EYS: variants seen among roughly 807,000 people sequenced by gnomAD.
EYS encodes EGF-like photoreceptor maintenance factor.
EYS carries 250 observed loss-of-function variants against 282.1 expected under a neutral mutation model. The ratio of observed to expected loss-of-function variants is 0.89; its 90% CI spans 0.80 to 0.98. The LOEUF (loss-of-function observed/expected upper bound fraction) is 0.98, where lower values mean the gene tolerates loss of function less well. Ranked by LOEUF, EYS falls within the 50% of genes least tolerant of loss-of-function variation. The probability of loss-of-function intolerance (pLI) is 0.00; values close to 1 mark genes in which losing one functional copy is unlikely to be tolerated. For missense variants in EYS, 4,016 were observed against 3,709.0 expected, an observed-to-expected ratio of 1.08 and a Z score of -2.15; for synonymous variants, 1,355 against 1,282.9, an observed-to-expected ratio of 1.06 and a Z score of -1.20.
chr6:64,261,973 C>A (rs1434456783), intron 30 of EYS, among the ~76,000 whole-genome samples: 2 of 151,902 alleles, frequency 1.3e-5, no homozygotes, highest in Non-Finnish European at 2.9e-5. Flanking sequence ...CTGGGCTTGT[C>A]TCAACCTCTG....
At chr6:64,576,596 G>A (rs1024445857) in intron 26 of EYS, among the ~76,000 whole-genome samples, 15 of 151,894 alleles carry the variant, frequency 9.9e-5, no homozygotes, top group Non-Finnish European at 1.9e-4. Context: ...CACATCTATG[G>A]TGCTATGTAT....
At chr6:64,641,209 A>C (rs1768139127) in intron 22 of EYS, among the ~76,000 whole-genome samples, 1 of 152,202 alleles carries the variant, frequency 6.6e-6, no homozygotes, top group Non-Finnish European at 1.5e-5. Context: ...AAGGAGGAGC[A>C]AGTCCCTTCT....
At chr6:65,484,649 G>C (rs1383802271) in intron 5 of EYS, among the ~76,000 whole-genome samples, 3 of 152,152 alleles carry the variant, frequency 2.0e-5, no homozygotes, top group Non-Finnish European at 2.9e-5. Context: ...ATGTTTCCAG[G>C]CTGCCAGTGA....
At chr6:64,615,685 A>G (rs1012439887) in intron 24 of EYS, among the ~76,000 whole-genome samples, 5 of 152,140 alleles carry the variant, frequency 3.3e-5, no homozygotes, top group African/African-American at 1.2e-4. Context: ...TAACTAATGC[A>G]TTAGCAAAAG....
intron 22 of EYS, among the ~76,000 whole-genome samples, chr6:64,809,756 G>A (rs2150013586): frequency 6.6e-6 from 1 of 151,832 alleles, no homozygotes; most frequent in East Asian, 1.9e-4. Context: ...CTCCATATAA[G>A]TGGGAGCTAA....
chr6:64,058,218 A>G (rs916487004), intron 33 of EYS, among the ~76,000 whole-genome samples: 6 of 151,922 alleles, frequency 3.9e-5, no homozygotes, highest in African/African-American at 1.5e-4. Context: ...AACTTCTGCC[A>G]TGATTGTGAG....
At position 64,686,857 on chromosome 6, in the gene EYS, G is replaced by GTGTA. The variant is rs1554193130; in HGVS notation, c.3444-60613_3444-60612insTACA. On this transcript the variant is annotated intron_variant, in intron 22 of 42. Coordinates refer to ENST00000503581, the MANE Select transcript of EYS (RefSeq NM_001142800.2). The stretch of plus-strand genomic sequence containing the variant: ...TATATACGTGTATATATATATATGT[G>GTGTA]TATATATATACGTGTATATATATAT... 2.4e-3 allele frequency among the ~76,000 whole-genome samples: 52 copies of GTGTA among 21,540 alleles called. 9 individuals are homozygous for GTGTA. The highest frequency in any genetic ancestry group is 5.2e-3 in the African/African-American group (50 of 9,676). The allele number at this position is 21,540 out of a possible 152,430, so 14.1% of individuals were successfully genotyped here. A position where few individuals can be genotyped will look rare whatever the true frequency, so the allele number is the denominator to read the frequency against.
chr6:64,309,544 T>C (rs1769590195), intron 29 of EYS, among the ~76,000 whole-genome samples: 1 of 152,062 alleles, frequency 6.6e-6, no homozygotes, highest in African/African-American at 2.4e-5. Context: ...GTTATTTAGC[T>C]TCCAAATAAA....
chr6:65,271,575 A>AT (rs898008770), intron 12 of EYS, among the ~76,000 whole-genome samples: 1 of 151,526 alleles, frequency 6.6e-6, no homozygotes. Context: ...CAAGTTTTTA[A>AT]TTTTTTTTAT....
intron 2 of EYS, among the ~76,000 whole-genome samples, chr6:65,629,001 T>G (rs1357761913): frequency 6.6e-6 from 1 of 152,198 alleles, no homozygotes; most frequent in Non-Finnish European, 1.5e-5. Context: ...AAAGCAAAAT[T>G]GAGAAATGAT....
intron 1 of EYS, among the ~76,000 whole-genome samples, chr6:65,679,387 T>C (rs1768739779): frequency 6.6e-6 from 1 of 152,018 alleles, no homozygotes; most frequent in Non-Finnish European, 1.5e-5. Context: ...CTGTCATCTG[T>C]AACAACATAA....
At chr6:65,110,815 TA>T (rs1014490877) in intron 12 of EYS, among the ~76,000 whole-genome samples, 31 of 152,130 alleles carry the variant, frequency 2.0e-4, no homozygotes, top group Non-Finnish European at 4.0e-4. Flanking sequence ...CAGTGCAGTA[TA>T]AAAAATCATT....
At chr6:65,338,705 C>A (rs535713122) in intron 10 of EYS, among the ~76,000 whole-genome samples, 3 of 150,916 alleles carry the variant, frequency 2.0e-5, no homozygotes, top group Admixed American at 1.3e-4. Context: ...GCAATAAAAT[C>A]ATGATTTTGG....
chr6:64,970,453 C>T (rs909818881), intron 14 of EYS, among the ~76,000 whole-genome samples: 3 of 152,090 alleles, frequency 2.0e-5, no homozygotes, highest in Non-Finnish European at 4.4e-5. Flanking sequence ...TCACCTTGGC[C>T]TCCCAAAGTG....
intron 26 of EYS, among the ~76,000 whole-genome samples, chr6:64,585,049 A>G (rs1211129320): frequency 6.6e-6 from 1 of 152,172 alleles, no homozygotes; most frequent in Non-Finnish European, 1.5e-5. Context: ...ACTATTCATA[A>G]CAGCAAAGAC....
intron 22 of EYS, among the ~76,000 whole-genome samples, chr6:64,771,163 T>C (rs1773512249): frequency 6.6e-6 from 1 of 151,704 alleles, no homozygotes; most frequent in African/African-American, 2.4e-5. Flanking sequence ...ATATAATTTC[T>C]CAAACTTTTG....
rs141828998 is a variant in EYS, at chr6:64,820,261, A to G, written c.3243+1384T>C. On this transcript the variant is annotated intron_variant, in intron 21 of 42. Transcript: ENST00000503581. ...GTTAAAATAAAAATATTAGGAAAAA[A>G]TCTAGAATCACATAGGTAGAATTTT... is the stretch of plus-strand genomic sequence containing the variant. Among the ~76,000 whole-genome samples, 787 of 152,184 alleles carry G rather than the reference A, an allele frequency of 5.2e-3. 9 individuals are homozygous for G. Among genetic ancestry groups the G allele is most frequent in the African/African-American group, 0.017 (700 of 41,550 alleles).
At chr6:63,992,985 A>G (rs1015977667) in intron 34 of EYS, among the ~76,000 whole-genome samples, 1 of 151,936 alleles carries the variant, frequency 6.6e-6, no homozygotes. Flanking sequence ...TGATGGTTTT[A>G]TAAGTGTTTG....
At chr6:64,942,740 T>G (rs925106749) in intron 15 of EYS, among the ~76,000 whole-genome samples, 1 of 137,004 alleles carries the variant, frequency 7.3e-6, no homozygotes, top group Non-Finnish European at 1.5e-5. Context: ...ACCTACCAAC[T>G]AAATAAAGCC....
Sources: gnomAD v4.1 joint callset for allele counts (sites outside exome capture counted in the v4.1 genomes callset) on GRCh38, gnomAD v4.1.1 for gene constraint, MANE v1.5 for transcripts, NCBI Gene and HGNC (gene_info 2026-07-23, HGNC 2026-07-21) for gene names.